Variants in C12orf56 observed in about 807,000 individuals in gnomAD.
C12orf56 encodes the protein chromosome 12 open reading frame 56.
Under a neutral mutation model 69.9 loss-of-function variants are expected in C12orf56, and 71 were observed. That is an observed-to-expected ratio of 1.02 (90% CI 0.84 to 1.24). The LOEUF (loss-of-function observed/expected upper bound fraction) is 1.24. C12orf56 is among the 50% of genes most tolerant of loss of function. The pLI, the probability that C12orf56 is intolerant of heterozygous loss-of-function variation, is 0.00. For missense variants in C12orf56, 732 were observed against 738.5 expected, an observed-to-expected ratio of 0.99 and a Z score of 0.10; for synonymous variants, 276 against 274.1, an observed-to-expected ratio of 1.01 and a Z score of -0.07.
chr12:64,276,993 T>TAAAAAAAAAAAAAAAAAAAAAAAAAAAA (rs200351319), intron 9 of C12orf56, among the ~76,000 whole-genome samples: 4 of 69,220 alleles, frequency 5.8e-5, no homozygotes, highest in African/African-American at 1.7e-4. Flanking sequence ...AACCCTTTCT[T>TAAAAAAAAAAAAAAAAAAAAAAAAAAAA]AAAAAAAAAA....
At chr12:64,379,411 C>T (rs1039047560) in intron 1 of C12orf56, among the ~76,000 whole-genome samples, 3 of 151,786 alleles carry the variant, frequency 2.0e-5, no homozygotes, top group Admixed American at 2.0e-4. Context: ...CAGCCTCCTG[C>T]GTAGCTGGGA....
At chr12:64,363,548 G>A (rs1419971089) in intron 1 of C12orf56, among the ~76,000 whole-genome samples, 1 of 152,172 alleles carries the variant, frequency 6.6e-6, no homozygotes, top group Non-Finnish European at 1.5e-5. Flanking sequence ...AGGAGGAAGA[G>A]GGGAAATGGT....
At chr12:64,300,370 G>A (rs1366261759) in intron 6 of C12orf56, among the ~76,000 whole-genome samples, 2 of 152,012 alleles carry the variant, frequency 1.3e-5, no homozygotes, top group African/African-American at 4.8e-5. Context: ...ACAGGTATCA[G>A]GCCTGTTTTT....
In C12orf56 at chr12:64,270,701, G is replaced by C. The variant is rs2037975690; in HGVS notation, c.1598C>G (p.Ala533Gly). Residue 533 changes from alanine (A) to glycine (G), a missense_variant, in exon 12 of 13, where the codon GCC becomes GGC. Coordinates refer to ENST00000543942, the MANE Select transcript of C12orf56 (RefSeq NM_001170633.2). ...CCTCACCACTTGTTTCACAATACTG[G>C]CCACAAAAGTAATCTAGACAAGGAA... Reference protein sequence around the residue: ...QSCPPIITFVASIVKQVVRGL... With the variant: ...QSCPPIITFVGSIVKQVVRGL... 6.2e-7 allele frequency: 1 copy of C among 1,606,326 alleles called. No individual in the cohort carries two copies. Among genetic ancestry groups the C allele is most frequent in the African/African-American group, 1.3e-5 (1 of 74,530 alleles).
chr12:64,316,596 T>G (rs2136833923), intron 4 of C12orf56, among the ~76,000 whole-genome samples: 1 of 152,212 alleles, frequency 6.6e-6, no homozygotes, highest in South Asian at 2.1e-4. Flanking sequence ...CTCATAAAGA[T>G]AGTCTTCCTC....
At position 64,266,365 on chromosome 12, in the gene C12orf56, T is replaced by C. The variant is rs1592403355; in HGVS notation, c.*818A>G. 1 of 209,810 alleles carries C rather than the reference T, an allele frequency of 4.8e-6. No homozygotes were observed. Among genetic ancestry groups the C allele is most frequent in the East Asian group, 1.1e-4 (1 of 9,092 alleles). The allele number at this position is 209,810 out of a possible 1,614,324, so 13.0% of individuals were successfully genotyped here. A position where few individuals can be genotyped will look rare whatever the true frequency, so the allele number is the denominator to read the frequency against. On this transcript the variant is annotated 3_prime_UTR_variant, in exon 13 of 13. Transcript: ENST00000543942. ...CTACTGTTTAGCACCACTTTATGTA[T>C]GTCAGAATGGATGTAGGTTTCTTTG...
At chr12:64,298,255 C>A (rs1002722705) in intron 6 of C12orf56, among the ~76,000 whole-genome samples, 3 of 151,936 alleles carry the variant, frequency 2.0e-5, no homozygotes, top group Non-Finnish European at 4.4e-5. Context: ...AATTTGTTTA[C>A]GTCCTTTGTA....
At chr12:64,336,478 GA>G (rs35851263) in intron 2 of C12orf56, among the ~76,000 whole-genome samples, 11 of 149,546 alleles carry the variant, frequency 7.4e-5, no homozygotes, top group Non-Finnish European at 1.3e-4. Context: ...CACGTTGAAG[GA>G]AAAAAAAAGC....
chr12:64,270,589 C>CCGCA lies in C12orf56; in HGVS notation c.1706_1709dup (p.His571AlafsTer8). 1 of 1,612,960 alleles carries CCGCA rather than the reference C, an allele frequency of 6.2e-7. No individual in the cohort carries two copies. Among genetic ancestry groups the CCGCA allele is most frequent in the Non-Finnish European group, 8.5e-7 (1 of 1,179,482 alleles). ...TATACTCAGCTAGAGTCCTGCTGTG[C>CCGCA]CGCAGACAGCTCTTGAGGATGTAAA... is the stretch of plus-strand genomic sequence containing the variant. On this transcript the variant is annotated frameshift_variant, in exon 12 of 13. Transcript: ENST00000543942. LOFTEE classifies it high-confidence loss of function.
chr12:64,279,225 A>G (rs981439874), intron 8 of C12orf56, among the ~76,000 whole-genome samples: 1 of 152,136 alleles, frequency 6.6e-6, no homozygotes, highest in African/African-American at 2.4e-5. Context: ...CAACTCCACC[A>G]TTTTGTAAAA....
intron 8 of C12orf56, 40 bp from the exon 9 acceptor site, chr12:64,277,843 G>T (rs755599695): frequency 7.0e-7 from 1 of 1,436,426 alleles, no homozygotes; most frequent in South Asian, 1.7e-5. Flanking sequence ...TGAGCAAAGT[G>T]TTGAGAGGAA....
intron 5 of C12orf56, among the ~76,000 whole-genome samples, chr12:64,308,936 GAAAGAAGAAAGAAAGAAAGA>G (rs1565748908): frequency 3.1e-5 from 1 of 32,574 alleles, no homozygotes; most frequent in African/African-American, 8.8e-5. Flanking sequence ...AAGAAAGAAA[GAAAGAAGAAAGAAAGAAAGA>G]AAGAAAGAAA....
chr12:64,385,236 A>G (rs6581556), intron 1 of C12orf56, among the ~76,000 whole-genome samples: 137,395 of 152,140 alleles, frequency 0.9, 62,210 homozygotes, highest in Middle Eastern at 0.95. Flanking sequence ...CATCAAACAC[A>G]TACTGAGATC....
intron 1 of C12orf56, among the ~76,000 whole-genome samples, chr12:64,377,333 G>A (rs1236141163): frequency 6.6e-6 from 1 of 151,714 alleles, no homozygotes. Flanking sequence ...GGGATTACAG[G>A]CAAGTGCACC....
rs1256454184 is a variant in C12orf56 at position 64,265,135 on chromosome 12, T to G, written c.*2048A>C. The G allele has an allele frequency of 6.6e-6, 1 of 152,244 alleles. No homozygotes were observed. Among genetic ancestry groups the G allele is most frequent in the Non-Finnish European group, 1.5e-5 (1 of 68,080 alleles). The allele number at this position is 152,244 out of a possible 1,614,324, so 9.4% of individuals were successfully genotyped here. A position where few individuals can be genotyped will look rare whatever the true frequency, so the allele number is the denominator to read the frequency against. ...CGTTGTCATCCTGCGGGTTCATCAGTACATTCTTTGTCCGGTTTGAGGTAA... is the reference window on the plus strand; with the variant it reads ...CGTTGTCATCCTGCGGGTTCATCAGGACATTCTTTGTCCGGTTTGAGGTAA... On this transcript the variant is annotated 3_prime_UTR_variant, in exon 13 of 13. Transcript: ENST00000543942.
At chr12:64,282,135 C>T (rs1460226843) in intron 8 of C12orf56, among the ~76,000 whole-genome samples, 1 of 152,180 alleles carries the variant, frequency 6.6e-6, no homozygotes. Context: ...GCGGGAAGAT[C>T]ACTTAAGTCC....
chr12:64,377,042 A>G (rs901785140), intron 1 of C12orf56, among the ~76,000 whole-genome samples: 2 of 152,084 alleles, frequency 1.3e-5, no homozygotes, highest in African/African-American at 4.8e-5. Flanking sequence ...TTGACTTTTT[A>G]ATAATCACCA....
At chr12:64,359,700 AAAG>A (rs1389341702) in intron 1 of C12orf56, among the ~76,000 whole-genome samples, 1 of 151,986 alleles carries the variant, frequency 6.6e-6, no homozygotes, top group Non-Finnish European at 1.5e-5. Context: ...TGTAGAAAGA[AAAG>A]AAGCTCTTTT....
At chr12:64,389,047 A>G (rs1360537878) in intron 1 of C12orf56, 1 of 152,158 alleles carries the variant, frequency 6.6e-6, no homozygotes, top group Admixed American at 6.6e-5. Context: ...GTTCAAAACA[A>G]GCCATGACTC....
Sources: allele counts gnomAD v4.1 joint callset (sites outside exome capture counted in the v4.1 genomes callset), GRCh38; gene constraint gnomAD v4.1.1; transcripts MANE v1.5; gene names NCBI Gene and HGNC (gene_info 2026-07-23, HGNC 2026-07-21).